The following GRM8 variants were observed in gnomAD, a reference collection of about 807,000 sequenced individuals.
The protein encoded by GRM8 is metabotropic glutamate receptor 8.
Under a neutral mutation model 87.2 loss-of-function variants are expected in GRM8, and 47 were observed. The ratio of observed to expected loss-of-function variants is 0.54; its 90% CI spans 0.43 to 0.69. The LOEUF (loss-of-function observed/expected upper bound fraction) is 0.69. GRM8 is among the 30% of genes least tolerant of loss of function. The pLI is 0.00. For missense variants in GRM8, 1,019 were observed against 1,139.2 expected (o/e 0.89, Z 1.52); for synonymous variants, 396 against 404.5 (o/e 0.98, Z 0.25).
At chr7:126,921,412 G>T (rs1804519705) in intron 3 of GRM8, among the ~76,000 whole-genome samples, 1 of 151,956 alleles carries the variant, frequency 6.6e-6, no homozygotes, top group African/African-American at 2.4e-5. Flanking sequence ...GAAAATAGAG[G>T]CCATTACCAA....
At chr7:126,579,714 A>G (rs1248637539) in intron 8 of GRM8, among the ~76,000 whole-genome samples, 1 of 152,176 alleles carries the variant, frequency 6.6e-6, no homozygotes, top group East Asian at 1.9e-4. Context: ...CAACTGAAAT[A>G]AAGCTCAGCC....
At chr7:126,536,943 A>C (rs1815833774) in intron 8 of GRM8, among the ~76,000 whole-genome samples, 1 of 152,204 alleles carries the variant, frequency 6.6e-6, no homozygotes, top group Admixed American at 6.5e-5. Flanking sequence ...CGGAAGCTTT[A>C]ATTCTCAATA....
Position 127,040,860 on chromosome 7 carries a change from A to G in GRM8, c.727+65636T>C, listed in dbSNP as rs370044770. ...AGCTACGAGCTGTCTAATATGCTACATGAGGAAGAGAATGGGAAAAACAAA... is the reference window on the plus strand; with the variant it reads ...AGCTACGAGCTGTCTAATATGCTACGTGAGGAAGAGAATGGGAAAAACAAA... On this transcript the variant is annotated intron_variant, in intron 3 of 10. Coordinates refer to ENST00000339582, the MANE Select transcript of GRM8 (RefSeq NM_000845.3). Among the ~76,000 whole-genome samples the G allele has an allele frequency of 3.9e-5, 6 of 152,330 alleles. No homozygotes were observed. In the South Asian group the frequency reaches 1.2e-3, roughly 32 times the overall value.
chr7:126,740,865 G>A (rs748644368), intron 7 of GRM8, among the ~76,000 whole-genome samples: 65 of 152,116 alleles, frequency 4.3e-4, no homozygotes, highest in South Asian at 8.3e-4. Context: ...ATTTCCCAAC[G>A]GAGAAACTCT....
rs7459139 is a variant in GRM8 at position 126,617,042 on chromosome 7, C to A, written c.1358-7544G>T. Among the ~76,000 whole-genome samples the A allele has an allele frequency of 7.9e-5, 12 of 152,048 alleles. No homozygotes were observed. In the South Asian group the frequency reaches 2.3e-3, roughly 29 times the overall value. On this transcript the variant is annotated intron_variant, in intron 7 of 10. Coordinates refer to ENST00000339582, the MANE Select transcript of GRM8 (RefSeq NM_000845.3). ...CTCATTTTATGAGGCCAGCATTATC[C>A]TGATACCAAAGCCTGGCAGAGACAC... is the stretch of plus-strand genomic sequence containing the variant.
chr7:126,996,338 T>C (rs1487750059), intron 3 of GRM8, among the ~76,000 whole-genome samples: 2 of 151,006 alleles, frequency 1.3e-5, no homozygotes, highest in South Asian at 2.1e-4. Context: ...GTAAACTATG[T>C]TTATCTTAAG....
At chr7:126,470,712 G>A (rs13437803) in intron 9 of GRM8, among the ~76,000 whole-genome samples, 4,156 of 152,180 alleles carry the variant, frequency 0.027, 173 homozygotes, top group African/African-American at 0.093. Flanking sequence ...ACCCAGTAAT[G>A]GGATTACTAG....
intron 3 of GRM8, among the ~76,000 whole-genome samples, chr7:126,967,353 A>G (rs904663944): frequency 1.3e-5 from 2 of 152,206 alleles, no homozygotes; most frequent in African/African-American, 4.8e-5. Context: ...GTTCATGTCA[A>G]TTCAGAGACA....
intron 2 of GRM8, among the ~76,000 whole-genome samples, chr7:127,196,166 A>G (rs933507791): frequency 6.6e-6 from 1 of 152,202 alleles, no homozygotes; most frequent in Non-Finnish European, 1.5e-5. Context: ...ATACCCTAAT[A>G]TCTACCATTA....
chr7:126,988,389 A>G (rs899555013), intron 3 of GRM8, among the ~76,000 whole-genome samples: 2 of 152,248 alleles, frequency 1.3e-5, no homozygotes, highest in Admixed American at 1.3e-4. Flanking sequence ...TTAAGTAACC[A>G]ACACAAACTA....
intron 7 of GRM8, among the ~76,000 whole-genome samples, chr7:126,746,575 C>G (rs573232173): frequency 6.6e-6 from 1 of 151,608 alleles, no homozygotes; most frequent in South Asian, 2.1e-4. Context: ...ATTTATGTTA[C>G]CTGTTTGACT....
chr7:127,088,513 C>G (rs552772754), intron 3 of GRM8, among the ~76,000 whole-genome samples: 1 of 152,174 alleles, frequency 6.6e-6, no homozygotes, highest in African/African-American at 2.4e-5. Flanking sequence ...CATTTAGATC[C>G]TATTTTTCAG....
chr7:126,575,609 G>T (rs529766579), intron 8 of GRM8, among the ~76,000 whole-genome samples: 9 of 151,898 alleles, frequency 5.9e-5, no homozygotes, highest in Non-Finnish European at 1.3e-4. Flanking sequence ...TTGTATCTTT[G>T]AACTTAAGGT....
At chr7:126,914,236 C>A (rs559062862) in intron 3 of GRM8, among the ~76,000 whole-genome samples, 152 of 152,278 alleles carry the variant, frequency 1.0e-3, no homozygotes, top group African/African-American at 3.5e-3. Flanking sequence ...CATCACACAC[C>A]AGTCAGAATG....
At chr7:126,653,765 T>C (rs897222090) in intron 7 of GRM8, among the ~76,000 whole-genome samples, 4 of 152,238 alleles carry the variant, frequency 2.6e-5, no homozygotes, top group African/African-American at 9.6e-5. Context: ...GCACTTCAGT[T>C]CAATAGTGTT....
At chr7:126,649,665 C>T (rs1236401343) in intron 7 of GRM8, among the ~76,000 whole-genome samples, 1 of 152,036 alleles carries the variant, frequency 6.6e-6, no homozygotes, top group Non-Finnish European at 1.5e-5. Flanking sequence ...TGCATTTGGC[C>T]CCTCCTACAA....
Position 127,059,341 on chromosome 7 carries a change from T to G in GRM8, c.727+47155A>C, listed in dbSNP as rs556416231. 5.2e-3 allele frequency among the ~76,000 whole-genome samples: 780 copies of G among 148,756 alleles called. 8 individuals carry two copies. Among genetic ancestry groups the G allele is most frequent in the African/African-American group, 0.018 (720 of 39,700 alleles). On this transcript the variant is annotated intron_variant, in intron 3 of 10. Transcript: ENST00000339582. ...AATTTTTTTTTTTTGCTTTTTTTTTTTTTTGTTTTTTTTGAGATGGAGTCT... is the reference window on the plus strand; with the variant it reads ...AATTTTTTTTTTTTGCTTTTTTTTTGTTTTGTTTTTTTTGAGATGGAGTCT...
intron 6 of GRM8, chr7:126,870,580 A>G (rs1325686482): frequency 6.6e-6 from 1 of 152,236 alleles, no homozygotes; most frequent in Middle Eastern, 3.2e-3. Flanking sequence ...TGGCTCAGGG[A>G]CTAGGAAAGC....
intron 8 of GRM8, among the ~76,000 whole-genome samples, chr7:126,599,184 C>A (rs527244638): frequency 6.6e-6 from 1 of 152,204 alleles, no homozygotes; most frequent in Non-Finnish European, 1.5e-5. Context: ...ATAGTAACAA[C>A]GTGCCCCACA....
Sources: allele counts gnomAD v4.1 joint callset (sites outside exome capture counted in the v4.1 genomes callset), GRCh38; gene constraint gnomAD v4.1.1; transcripts MANE v1.5; gene names NCBI Gene and HGNC (gene_info 2026-07-23, HGNC 2026-07-21).